LPP: variants seen among roughly 807,000 people sequenced by gnomAD.
LPP encodes lipoma-preferred partner.
LPP carries 38 observed loss-of-function variants against 60.4 expected under a neutral mutation model. That is an observed-to-expected ratio of 0.63 (90% CI 0.49 to 0.83). LPP has a LOEUF of 0.83. LPP is among the 40% of genes least tolerant of loss of function. The probability of loss-of-function intolerance (pLI) is 0.00; values close to 1 mark genes in which losing one functional copy is unlikely to be tolerated. For missense variants in LPP, 902 were observed against 783.6 expected, an observed-to-expected ratio of 1.15 and a Z score of -1.80; for synonymous variants, 328 against 290.8, an observed-to-expected ratio of 1.13 and a Z score of -1.30.
intron 9 of LPP, among the ~76,000 whole-genome samples, chr3:188,804,724 C>G (rs1748550457): frequency 4.6e-5 from 7 of 151,976 alleles, no homozygotes. Flanking sequence ...TAGGGACTTT[C>G]AGTTAGTTGT....
chr3:188,576,124 T>A (rs1834557832), intron 6 of LPP, among the ~76,000 whole-genome samples: 2 of 152,154 alleles, frequency 1.3e-5, no homozygotes, highest in Non-Finnish European at 2.9e-5. Flanking sequence ...AGGCCATTGG[T>A]TTAAATCCAG....
At chr3:188,392,890 G>T (rs1780034786) in intron 3 of LPP, among the ~76,000 whole-genome samples, 1 of 152,140 alleles carries the variant, frequency 6.6e-6, no homozygotes, top group African/African-American at 2.4e-5. Context: ...ATTCCGAAAT[G>T]TTGAGCCTTC....
intron 1 of LPP, among the ~76,000 whole-genome samples, chr3:188,219,336 A>G (rs1440803834): frequency 6.6e-6 from 1 of 152,168 alleles, no homozygotes; most frequent in Non-Finnish European, 1.5e-5. Flanking sequence ...TGTGTTTACC[A>G]ATTGAGGGTA....
intron 6 of LPP, among the ~76,000 whole-genome samples, chr3:188,603,708 A>G (rs1841891803): frequency 6.6e-6 from 1 of 152,190 alleles, no homozygotes; most frequent in African/African-American, 2.4e-5. Context: ...TGTCCAGACA[A>G]AGTAGATAAC....
At position 188,878,790 on chromosome 3, in the gene LPP, A is replaced by G. The variant is rs1416575603; in HGVS notation, c.*4311A>G. The G allele has an allele frequency of 4.8e-6, 1 of 209,294 alleles. No homozygotes were observed. Among genetic ancestry groups the G allele is most frequent in the African/African-American group, 2.3e-5 (1 of 44,006 alleles). The allele number at this position is 209,294 out of a possible 1,614,324, so 13.0% of individuals were successfully genotyped here. A position where few individuals can be genotyped will look rare whatever the true frequency, so the allele number is the denominator to read the frequency against. On this transcript the variant is annotated 3_prime_UTR_variant, in exon 12 of 12. Transcript: ENST00000617246. ...AAAAAAAAAAAGAAAGAAAGAAAAG[A>G]AAGAGAGAGAAGTCAACTTTTCATC...
chr3:188,263,439 G>A (rs539574043), intron 2 of LPP, among the ~76,000 whole-genome samples: 4 of 152,260 alleles, frequency 2.6e-5, no homozygotes, highest in East Asian at 3.9e-4. Context: ...GGAAGAGAGC[G>A]TGGACTCCTC....
intron 8 of LPP, chr3:188,746,372 T>C: frequency 1.3e-5 from 6 of 451,272 alleles, no homozygotes; most frequent in South Asian, 8.1e-5. Context: ...GCTGAATAGA[T>C]GAAAGGAACA....
intron 1 of LPP, among the ~76,000 whole-genome samples, chr3:188,163,248 G>A (rs1025144862): frequency 6.6e-6 from 1 of 152,164 alleles, no homozygotes; most frequent in Admixed American, 6.5e-5. Context: ...GGTGTTGAAG[G>A]TGAAACCAGG....
intron 7 of LPP, among the ~76,000 whole-genome samples, chr3:188,666,954 T>G (rs919480518): frequency 2.0e-5 from 3 of 152,266 alleles, no homozygotes; most frequent in Admixed American, 2.0e-4. Context: ...GTTTGTATTT[T>G]ATATCTTTTA....
At chr3:188,634,968 G>A (rs1223496849) in intron 7 of LPP, among the ~76,000 whole-genome samples, 1 of 152,032 alleles carries the variant, frequency 6.6e-6, no homozygotes, top group East Asian at 1.9e-4. Flanking sequence ...CACTGGCATC[G>A]AGGATAGAAT....
intron 6 of LPP, among the ~76,000 whole-genome samples, chr3:188,543,679 T>A (rs893877958): frequency 5.9e-5 from 9 of 152,250 alleles, no homozygotes; most frequent in Admixed American, 5.9e-4. Flanking sequence ...GAGCAAGCAA[T>A]AGGTAGAGTT....
intron 2 of LPP, among the ~76,000 whole-genome samples, chr3:188,238,019 C>A (rs371576110): frequency 6.6e-6 from 1 of 152,334 alleles, no homozygotes; most frequent in African/African-American, 2.4e-5. Flanking sequence ...TATTTACCTT[C>A]GTCAGTGATC....
chr3:188,460,625 T>G (rs1353816323), intron 4 of LPP, among the ~76,000 whole-genome samples: 1 of 147,474 alleles, frequency 6.8e-6, no homozygotes, highest in Non-Finnish European at 1.5e-5. Context: ...GGAAACCATT[T>G]TCTTTGTTTC....
At chr3:188,660,009 C>T (rs1009025545) in intron 7 of LPP, among the ~76,000 whole-genome samples, 1 of 151,944 alleles carries the variant, frequency 6.6e-6, no homozygotes, top group Admixed American at 6.6e-5. Context: ...TCCTTTAAAG[C>T]GTAAGCACGA....
intron 2 of LPP, among the ~76,000 whole-genome samples, chr3:188,247,397 G>A (rs984296844): frequency 1.3e-5 from 2 of 152,116 alleles, no homozygotes; most frequent in East Asian, 1.9e-4. Flanking sequence ...ACTAATACTT[G>A]TGTATGCAAA....
chr3:188,243,682 C>T (rs890463327), intron 2 of LPP, among the ~76,000 whole-genome samples: 1 of 152,076 alleles, frequency 6.6e-6, no homozygotes, highest in African/African-American at 2.4e-5. Context: ...ACTGGCAGCA[C>T]TGAGCAAAAG....
Position 188,524,647 on chromosome 3 carries a change from CT to C in LPP, c.307-17del, listed in dbSNP as rs1230231947. 2 of 1,609,024 alleles carry C rather than the reference CT, an allele frequency of 1.2e-6. No homozygotes were observed. Among genetic ancestry groups the C allele is most frequent in the African/African-American group, 2.7e-5 (2 of 74,586 alleles). On this transcript the variant is annotated splice_polypyrimidine_tract_variant and intron_variant, in intron 5 of 11. Coordinates refer to ENST00000617246, the MANE Select transcript of LPP (RefSeq NM_001375462.1). ...AGGGAAATTTCCTTTGTTAACATGT[CT>C]GTGTTGCTTCCAACAGGGGAATCCC... is the stretch of plus-strand genomic sequence containing the variant.
chr3:188,428,105 C>T (rs996961036), intron 4 of LPP, among the ~76,000 whole-genome samples: 7 of 152,134 alleles, frequency 4.6e-5, no homozygotes, highest in African/African-American at 1.7e-4. Flanking sequence ...AGGGTAGTAT[C>T]TGGGCCAGAG....
At chr3:188,387,020 C>G (rs1375118707) in intron 3 of LPP, among the ~76,000 whole-genome samples, 1 of 151,990 alleles carries the variant, frequency 6.6e-6, no homozygotes, top group African/African-American at 2.4e-5. Flanking sequence ...CTGCTTGTGA[C>G]TTAGTCTGTG....
Sources: allele counts gnomAD v4.1 joint callset (sites outside exome capture counted in the v4.1 genomes callset), GRCh38; gene constraint gnomAD v4.1.1; transcripts MANE v1.5; gene names NCBI Gene and HGNC (gene_info 2026-07-23, HGNC 2026-07-21).